The following TCERG1 variants were observed in gnomAD, a reference collection of about 807,000 sequenced individuals.
TCERG1 encodes transcription elongation regulator 1, also known as TATA box binding protein (TBP)-associated factor, RNA polymerase II, S, 150kD.
In TCERG1, 37 loss-of-function variants were observed where a neutral mutation model predicts 144.7. The ratio of observed to expected loss-of-function variants is 0.26; its 90% CI spans 0.20 to 0.34. TCERG1 has a LOEUF of 0.34. Ranked by LOEUF, TCERG1 falls within the 10% of genes least tolerant of loss-of-function variation. TCERG1 has a pLI of 1.00. For synonymous variants in TCERG1, 492 were observed against 458.2 expected (o/e 1.07, Z -0.94); for missense variants, 1,027 against 1,380.7 (o/e 0.74, Z 4.06).
At position 146,456,115 on chromosome 5, in the gene TCERG1, T is replaced by C. The variant is rs180683001; in HGVS notation, c.285+834T>C. Among the ~76,000 whole-genome samples the C allele has an allele frequency of 6.0e-4, 92 of 152,332 alleles. 1 individual carries two copies. Among genetic ancestry groups the C allele is most frequent in the Non-Finnish European group, 2.9e-4 (20 of 68,026 alleles). On this transcript the variant is annotated intron_variant, in intron 2 of 22. Transcript: ENST00000679501. ...CAATGATGTGCCATTTAAGTGATGT[T>C]AATTCTGTTTAGGTAGGGTTGTGGT...
intron 16 of TCERG1, among the ~76,000 whole-genome samples, chr5:146,497,416 G>T (rs532984979): frequency 1.2e-4 from 18 of 152,188 alleles, no homozygotes; most frequent in African/African-American, 4.3e-4. Flanking sequence ...TGACGTGCTG[G>T]GATTGCATGC....
intron 17 of TCERG1, among the ~76,000 whole-genome samples, chr5:146,500,878 T>C (rs1416999347): frequency 2.0e-5 from 3 of 152,050 alleles, no homozygotes; most frequent in East Asian, 3.9e-4. Flanking sequence ...TGTAGTGATG[T>C]GCTTCTGTAG....
rs1237636679 is a variant in TCERG1, at chr5:146,459,051, A to AGCTCAGGCCCAG, written c.615_626dup (p.Ala239_Gln242dup). 1 of 1,597,194 alleles carries AGCTCAGGCCCAG rather than the reference A, an allele frequency of 6.3e-7. No individual in the cohort carries two copies. The highest frequency in any genetic ancestry group is 8.6e-7 in the Non-Finnish European group (1 of 1,167,782). Reference sequence around the variant, plus strand: ...AGGCGCAGGCTCAGGCCCAGGCACAAGCTCAGGCCCAGGCTCAGGCTCAGG... The same window carrying AGCTCAGGCCCAG: ...AGGCGCAGGCTCAGGCCCAGGCACAAGCTCAGGCCCAGGCTCAGGCCCAGGCTCAGGCTCAGG... On this transcript the variant is annotated inframe_insertion, in exon 4 of 23. Transcript: ENST00000679501.
At chr5:146,467,235 A>G (rs1176273739) in intron 5 of TCERG1, among the ~76,000 whole-genome samples, 1 of 152,076 alleles carries the variant, frequency 6.6e-6, no homozygotes, top group Non-Finnish European at 1.5e-5. Context: ...CAAACCCAGG[A>G]GTTTAATTTT....
Position 146,447,428 on chromosome 5 carries a change from T to C in TCERG1, c.59+20T>C, listed in dbSNP as rs760002312. On this transcript the variant is annotated intron_variant, in intron 1 of 22. Coordinates refer to ENST00000679501, the MANE Select transcript of TCERG1 (RefSeq NM_001382548.1). ...GCTCAGGTAAGGAACGCTGCCCTCCTTCACATCTCTGCTCACGAGAGCCCC... is the reference window on the plus strand; with the variant it reads ...GCTCAGGTAAGGAACGCTGCCCTCCCTCACATCTCTGCTCACGAGAGCCCC... 4 of 1,607,846 alleles carry C rather than the reference T, an allele frequency of 2.5e-6. No individual in the cohort carries two copies. The highest frequency in any genetic ancestry group is 3.4e-6 in the Non-Finnish European group (4 of 1,177,500).
rs114874497 is a variant in TCERG1, at chr5:146,479,968, C to T, written c.1819+57C>T. 558 of 1,602,906 alleles carry T rather than the reference C, an allele frequency of 3.5e-4. 4 individuals are homozygous for T. In the African/African-American group the frequency reaches 6.8e-3, roughly 19 times the overall value. ...TTTTAATACTATTAAAGCAAGTGTT[C>T]TGGTAGTGATTAGCAGAAGGATTCA... On this transcript the variant is annotated intron_variant, in intron 11 of 22. Coordinates refer to ENST00000679501, the MANE Select transcript of TCERG1 (RefSeq NM_001382548.1).
At chr5:146,503,352 C>T in intron 17 of TCERG1, 23 bp from the exon 18 acceptor site, 1 of 1,603,344 alleles carries the variant, frequency 6.2e-7, no homozygotes, top group Non-Finnish European at 8.5e-7. Context: ...CCCTCCCATC[C>T]CACTACCTGT....
Position 146,510,769 on chromosome 5 carries a change from T to C in TCERG1, c.*127T>C. ...TCTGACAAACAGAAGGAGAAGCATT[T>C]GTGAACAGTTTCTGAACAGAACACT... On this transcript the variant is annotated 3_prime_UTR_variant, in exon 23 of 23. Transcript: ENST00000679501. 1 of 869,680 alleles carries C rather than the reference T, an allele frequency of 1.1e-6. No homozygotes were observed. Among genetic ancestry groups the C allele is most frequent in the Non-Finnish European group, 1.7e-6 (1 of 591,836 alleles). 53.9% of individuals were successfully genotyped at this position (869,680 alleles called of 1,614,324 possible).
At chr5:146,469,887 T>C (rs1209888511) in intron 7 of TCERG1, 143 bp downstream of exon 7, 5 of 551,540 alleles carry the variant, frequency 9.1e-6, no homozygotes, top group South Asian at 4.6e-5. Context: ...TTTTACTGAA[T>C]TGATAAATAT....
chr5:146,497,887 C>G (rs1022116902), intron 16 of TCERG1, among the ~76,000 whole-genome samples: 2 of 152,110 alleles, frequency 1.3e-5, no homozygotes, highest in Non-Finnish European at 2.9e-5. Flanking sequence ...AGTGATCTTT[C>G]CCTGCTGTTA....
chr5:146,491,055 C>T (rs1766362845), intron 15 of TCERG1, among the ~76,000 whole-genome samples: 1 of 150,538 alleles, frequency 6.6e-6, no homozygotes, highest in Non-Finnish European at 1.5e-5. Context: ...TAAGTTTGTT[C>T]TCTTTAGGGC....
At chr5:146,470,984 G>A (rs1303476409) in intron 8 of TCERG1, among the ~76,000 whole-genome samples, 1 of 152,160 alleles carries the variant, frequency 6.6e-6, no homozygotes, top group Non-Finnish European at 1.5e-5. Context: ...GCTTGGACCT[G>A]ATCTCTAACC....
chr5:146,459,612 G>A (rs111308247), intron 4 of TCERG1, among the ~76,000 whole-genome samples: 1 of 152,208 alleles, frequency 6.6e-6, no homozygotes, highest in African/African-American at 2.4e-5. Context: ...GGCATTGTGG[G>A]TTTGCAAAAT....
At chr5:146,478,418 A>T (rs1303663087) in intron 9 of TCERG1, 75 bp from the exon 10 acceptor site, 8 of 1,424,388 alleles carry the variant, frequency 5.6e-6, no homozygotes, top group African/African-American at 1.4e-5. Context: ...CCCTACTTGT[A>T]ACAGGCTGAA....
At chr5:146,479,792 AAAG>A in intron 10 of TCERG1, 60 bp from the exon 11 acceptor site, 1 of 1,559,806 alleles carries the variant, frequency 6.4e-7, no homozygotes, top group South Asian at 1.1e-5. Context: ...TAATTTTTAA[AAAG>A]AAAAGTTTGT....
Position 146,455,080 on chromosome 5 carries a change from G to A in TCERG1, c.84G>A (p.Arg28=), listed in dbSNP as rs769301924. ...ELRMAQQQAL[R]FRGPAPPPNA... ...GGATGGCCCAACAGCAGGCCTTGAG[G>A]TTCCGAGGTCCGGCTCCCCCACCAA... Residue 28 remains arginine (R), a synonymous_variant, in exon 2 of 23, where the codon AGG becomes AGA. Coordinates refer to ENST00000679501, the MANE Select transcript of TCERG1 (RefSeq NM_001382548.1). 3.7e-6 allele frequency: 6 copies of A among 1,614,078 alleles called. No individual in the cohort carries two copies. In the African/African-American group the frequency reaches 8.0e-5, roughly 22 times the overall value.
chr5:146,471,475 T>A lies in TCERG1; in HGVS notation c.1513-13T>A. On this transcript the variant is annotated splice_polypyrimidine_tract_variant and intron_variant, in intron 8 of 22. Transcript: ENST00000679501. ...TAATGTGATACTAATTAGAGTAATA[T>A]CATTTCTTGTAGGAGCCCAAAGAAG... 1 of 1,607,970 alleles carries A rather than the reference T, an allele frequency of 6.2e-7. No homozygotes were observed. The highest frequency in any genetic ancestry group is 2.2e-5 in the East Asian group (1 of 44,832).
chr5:146,497,639 G>A (rs1447629550), intron 16 of TCERG1, among the ~76,000 whole-genome samples: 1 of 152,138 alleles, frequency 6.6e-6, no homozygotes, highest in Non-Finnish European at 1.5e-5. Context: ...TTGAAAAGTG[G>A]ATATTTTTGT....
chr5:146,507,323 C>A lies in TCERG1; in HGVS notation c.2961+116C>A. On this transcript the variant is annotated intron_variant, in intron 20 of 22. Coordinates refer to ENST00000679501, the MANE Select transcript of TCERG1 (RefSeq NM_001382548.1). The surrounding 1 kb of genome is among the most constrained non-coding windows in gnomAD (Gnocchi z 4.6). ...GGTCTTTAGATTCATTACTGGAATG[C>A]ATCTTATGACAATTCTCTGATTTTA... The A allele has an allele frequency of 2.2e-6, 2 of 901,628 alleles. No individual in the cohort carries two copies. Among genetic ancestry groups the A allele is most frequent in the Non-Finnish European group, 3.2e-6 (2 of 623,104 alleles). 55.9% of individuals were successfully genotyped at this position (901,628 alleles called of 1,614,324 possible).
Sources: gnomAD v4.1 joint callset for allele counts (sites outside exome capture counted in the v4.1 genomes callset) on GRCh38, gnomAD v4.1.1 for gene constraint, Gnocchi (gnomAD v3.1) non-coding constraint, MANE v1.5 for transcripts, NCBI Gene and HGNC (gene_info 2026-07-23, HGNC 2026-07-21) for gene names.